Variants in PCMTD2 observed in about 807,000 individuals in gnomAD.
PCMTD2 encodes protein-L-isoaspartate (D-aspartate) O-methyltransferase domain containing 2.
PCMTD2 carries 16 observed loss-of-function variants against 33.4 expected under a neutral mutation model. The observed-to-expected ratio is 0.48, with a 90% CI of 0.32 to 0.73. PCMTD2 has a LOEUF of 0.73. PCMTD2 is among the 30% of genes least tolerant of loss of function. The pLI is 0.03. For synonymous variants in PCMTD2, 161 were observed against 160.8 expected (o/e 1.00, Z -0.01); for missense variants, 374 against 449.9 (o/e 0.83, Z 1.53).
intron 2 of PCMTD2, 53 bp downstream of exon 2, chr20:64,260,325 C>G: frequency 7.7e-7 from 1 of 1,298,972 alleles, no homozygotes; most frequent in Non-Finnish European, 1.1e-6. Context: ...AAGGAGGCAT[C>G]TCCTTTGACA....
At position 64,273,586 on chromosome 20, in the gene PCMTD2, T is replaced by TA. The variant is rs1263291306; in HGVS notation, c.1073dup (p.Tyr358Ter). 3 of 1,518,930 alleles carry TA rather than the reference T, an allele frequency of 2.0e-6. No homozygotes were observed. Among genetic ancestry groups the TA allele is most frequent in the Non-Finnish European group, 2.6e-6 (3 of 1,137,064 alleles). 94.1% of individuals were successfully genotyped at this position (1,518,930 alleles called of 1,614,324 possible). A position where few individuals can be genotyped will look rare whatever the true frequency, so the allele number is the denominator to read the frequency against. ...TCCCCTGAAATACTACTTGCTTTAT[T>TA]ACAGAGAAAAATAAGTCTCCTGTTT... ...PDPLKYYLLY[Y>*]REK Residue 358 changes from tyrosine to a stop codon, truncating the protein, a stop_gained and frameshift_variant, in exon 6 of 6, where the codon TAC (tyrosine) becomes TAAC (stop). Coordinates refer to ENST00000308824, the MANE Select transcript of PCMTD2 (RefSeq NM_018257.3). LOFTEE classifies it high-confidence loss of function.
At chr20:64,267,345 A>C (rs1417031657) in intron 4 of PCMTD2, among the ~76,000 whole-genome samples, 1 of 152,220 alleles carries the variant, frequency 6.6e-6, no homozygotes, top group Non-Finnish European at 1.5e-5. Flanking sequence ...TCTCCAAAGC[A>C]TGAGGATAAT....
chr20:64,258,984 A>T (rs1985280292), intron 1 of PCMTD2: 1 of 152,234 alleles, frequency 6.6e-6, no homozygotes, highest in East Asian at 1.9e-4. Flanking sequence ...GCTACCCTGT[A>T]TTTTAATAGT....
At chr20:64,258,371 C>G (rs1985257961) in intron 1 of PCMTD2, among the ~76,000 whole-genome samples, 1 of 152,114 alleles carries the variant, frequency 6.6e-6, no homozygotes, top group Non-Finnish European at 1.5e-5. Context: ...GGCTCCGAAA[C>G]AATTCAAAAA....
At chr20:64,259,891 C>T (rs1985327364) in intron 1 of PCMTD2, 51 bp from the exon 2 acceptor site, 1 of 871,268 alleles carries the variant, frequency 1.1e-6, no homozygotes, top group Non-Finnish European at 1.8e-6. Context: ...TTCTATTGTT[C>T]TGCTCTTACC....
At position 64,265,324 on chromosome 20, in the gene PCMTD2, G is replaced by A; in HGVS notation, c.477G>A (p.Gln159=). Residue 159 remains glutamine (Q), a synonymous_variant, in exon 4 of 6, where the codon CAG becomes CAA. Transcript: ENST00000308824. ...NCLEISPDCS[Q]YDRVYCGAGV... is the part of the protein sequence containing the mutation. Reference sequence around the variant, plus strand: ...TGGAGATTTCTCCGGATTGTTCTCAGTATGATCGTGTATACTGTGGGGCTG... The same window carrying A: ...TGGAGATTTCTCCGGATTGTTCTCAATATGATCGTGTATACTGTGGGGCTG... 2 of 1,612,756 alleles carry A rather than the reference G, an allele frequency of 1.2e-6. No individual in the cohort carries two copies. Among genetic ancestry groups the A allele is most frequent in the Middle Eastern group, 1.9e-4 (1 of 5,396 alleles).
At chr20:64,264,552 T>C (rs752303139) in intron 3 of PCMTD2, 21 bp downstream of exon 3, 2 of 1,130,196 alleles carry the variant, frequency 1.8e-6, no homozygotes, top group South Asian at 2.5e-5. Flanking sequence ...ATACTATCCA[T>C]TGGCTCAGAT....
rs1251188714 is a variant in PCMTD2, at chr20:64,274,583, A to G, written c.*983A>G. 1.3e-5 allele frequency: 2 copies of G among 152,160 alleles called. No individual in the cohort carries two copies. Among genetic ancestry groups the G allele is most frequent in the East Asian group, 1.9e-4 (1 of 5,200 alleles). 9.4% of individuals were successfully genotyped at this position (152,160 alleles called of 1,614,324 possible). A position where few individuals can be genotyped will look rare whatever the true frequency, so the allele number is the denominator to read the frequency against. ...CTGTGCTTTTTGACTTCAGTTTGCT[A>G]TTTTTCTGTGATCACATTAGTACTG... On this transcript the variant is annotated 3_prime_UTR_variant, in exon 6 of 6. Coordinates refer to ENST00000308824, the MANE Select transcript of PCMTD2 (RefSeq NM_018257.3).
At chr20:64,261,479 G>A (rs1316402644) in intron 2 of PCMTD2, among the ~76,000 whole-genome samples, 1 of 152,196 alleles carries the variant, frequency 6.6e-6, no homozygotes, top group Non-Finnish European at 1.5e-5. Flanking sequence ...GGAAGCCGAG[G>A]TCGGAGGATC....
Position 64,260,052 on chromosome 20 carries a change from A to G in PCMTD2, c.87A>G (p.Val29=), listed in dbSNP as rs1985337349. The G allele has an allele frequency of 6.2e-7, 1 of 1,610,680 alleles. No homozygotes were observed. The highest frequency in any genetic ancestry group is 1.3e-5 in the African/African-American group (1 of 74,828). Residue 29 remains valine (V), a synonymous_variant, in exon 2 of 6, where the codon GTA becomes GTG. Coordinates refer to ENST00000308824, the MANE Select transcript of PCMTD2 (RefSeq NM_018257.3). Reference sequence around the variant, plus strand: ...CACAGTATATCCGGACTGAGCTGGTAGAGCAGGCTTTCAGAGCTATCGATC... The same window carrying G: ...CACAGTATATCCGGACTGAGCTGGTGGAGCAGGCTTTCAGAGCTATCGATC... ...KEAQYIRTEL[V]EQAFRAIDRA...
chr20:64,265,846 G>T (rs1985636942), intron 4 of PCMTD2, among the ~76,000 whole-genome samples: 1 of 152,090 alleles, frequency 6.6e-6, no homozygotes, highest in East Asian at 1.9e-4. Flanking sequence ...ATTGTTACAT[G>T]CCTTGATGTT....
intron 4 of PCMTD2, among the ~76,000 whole-genome samples, chr20:64,265,826 C>T (rs1419510092): frequency 6.6e-6 from 1 of 152,038 alleles, no homozygotes; most frequent in African/African-American, 2.4e-5. Context: ...CTATTCTCAT[C>T]ATTAGTCTAA....
chr20:64,264,130 G>A (rs1412742294), intron 2 of PCMTD2, among the ~76,000 whole-genome samples: 1 of 152,184 alleles, frequency 6.6e-6, no homozygotes, highest in African/African-American at 2.4e-5. Context: ...GGACAAACAG[G>A]TGAGGCCTGT....
intron 5 of PCMTD2, 36 bp downstream of exon 5, chr20:64,268,046 G>C: frequency 2.0e-6 from 3 of 1,485,722 alleles, no homozygotes; most frequent in South Asian, 2.6e-5. Context: ...TTATCTTTTA[G>C]ATCTTTTCTC....
intron 5 of PCMTD2, among the ~76,000 whole-genome samples, chr20:64,269,101 T>C (rs904834070): frequency 2.6e-5 from 4 of 152,286 alleles, no homozygotes; most frequent in East Asian, 3.9e-4. Flanking sequence ...TAGGTTAGAA[T>C]TGGGTTTATC....
chr20:64,274,046 C>T lies in PCMTD2; in HGVS notation c.*446C>T, dbSNP rs1277727749. 2 of 154,548 alleles carry T rather than the reference C, an allele frequency of 1.3e-5. No individual in the cohort carries two copies. Among genetic ancestry groups the T allele is most frequent in the African/African-American group, 4.8e-5 (2 of 41,554 alleles). The allele number at this position is 154,548 out of a possible 1,614,324, so 9.6% of individuals were successfully genotyped here. The stretch of plus-strand genomic sequence containing the variant: ...AGCTTATAAATGTATAAAATCTTTT[C>T]TGGGTGTGACGCACCTGCGTCCAAG... On this transcript the variant is annotated 3_prime_UTR_variant, in exon 6 of 6. Coordinates refer to ENST00000308824, the MANE Select transcript of PCMTD2 (RefSeq NM_018257.3).
chr20:64,267,091 A>G (rs765301941), intron 4 of PCMTD2, among the ~76,000 whole-genome samples: 8 of 152,256 alleles, frequency 5.3e-5, no homozygotes, highest in African/African-American at 1.7e-4. Flanking sequence ...AGGCCAGCAT[A>G]TAATCATAGC....
chr20:64,275,190 T>C lies in PCMTD2; in HGVS notation c.*1590T>C, dbSNP rs1344883927. ...TTTAAGTCATTTTAAAGAAAGTTAG[T>C]TCATAGTTGTTGCCTTTTAACTCAT... On this transcript the variant is annotated 3_prime_UTR_variant, in exon 6 of 6. Coordinates refer to ENST00000308824, the MANE Select transcript of PCMTD2 (RefSeq NM_018257.3). 1 of 152,214 alleles carries C rather than the reference T, an allele frequency of 6.6e-6. No homozygotes were observed. Among genetic ancestry groups the C allele is most frequent in the Non-Finnish European group, 1.5e-5 (1 of 68,030 alleles). 9.4% of individuals were successfully genotyped at this position (152,214 alleles called of 1,614,324 possible).
intron 4 of PCMTD2, among the ~76,000 whole-genome samples, chr20:64,266,412 C>T (rs997063644): frequency 6.6e-6 from 1 of 152,170 alleles, no homozygotes; most frequent in African/African-American, 2.4e-5. Flanking sequence ...TGCGTGCCAC[C>T]ACACCCAGCT....
Sources: gnomAD v4.1 joint callset for allele counts (sites outside exome capture counted in the v4.1 genomes callset) on GRCh38, gnomAD v4.1.1 for gene constraint, MANE v1.5 for transcripts, NCBI Gene and HGNC (gene_info 2026-07-23, HGNC 2026-07-21) for gene names.